CASKIN2: variants seen among roughly 807,000 people sequenced by gnomAD.
CASKIN2 encodes the protein CASK interacting protein 2, also known as caskin-2.
CASKIN2 carries 41 observed loss-of-function variants against 107.1 expected under a neutral mutation model. The ratio of observed to expected loss-of-function variants is 0.38; its 90% CI spans 0.30 to 0.50. The LOEUF (loss-of-function observed/expected upper bound fraction) is 0.50. Ranked by LOEUF, CASKIN2 falls within the 20% of genes least tolerant of loss-of-function variation. The pLI is 0.92. For synonymous variants in CASKIN2, 724 were observed against 705.6 expected, an observed-to-expected ratio of 1.03 and a Z score of -0.41; for missense variants, 1,546 against 1,657.4, an observed-to-expected ratio of 0.93 and a Z score of 1.17.
At position 75,504,431 on chromosome 17, in the gene CASKIN2, G is replaced by A. The variant is rs561759956; in HGVS notation, c.1364C>T (p.Pro455Leu). The A allele has an allele frequency of 4.5e-5, 73 of 1,606,878 alleles. No individual in the cohort carries two copies. The East Asian group carries it at 9.4e-4, about 21-fold the overall frequency. ...CTGACCCTTCCTACCTGCCAGGGACGGCGGGTGGAGTCCTGGCAGCACCTG... is the reference window on the plus strand; with the variant it reads ...CTGACCCTTCCTACCTGCCAGGGACAGCGGGTGGAGTCCTGGCAGCACCTG... Reference protein sequence around the residue: ...EDQVLPGLHPPSLADNLSHRP... With the variant: ...EDQVLPGLHPLSLADNLSHRP... Residue 455 changes from proline to leucine, a missense_variant, in exon 13 of 20, where the codon CCG (proline) becomes CTG (leucine). Coordinates refer to ENST00000321617, the MANE Select transcript of CASKIN2 (RefSeq NM_020753.5).
At position 75,504,287 on chromosome 17, in the gene CASKIN2, A is replaced by C. The variant is rs751880989; in HGVS notation, c.1395T>G (p.Pro465=). The C allele has an allele frequency of 9.3e-6, 15 of 1,607,758 alleles. No homozygotes were observed. The highest frequency in any genetic ancestry group is 1.6e-4 in the Middle Eastern group (1 of 6,074). Reference sequence around the variant, plus strand: ...GCTCCCCAGAGCGGCAGTTGGCCAGAGGGCGGTGGCTCAGGTTGTCTTCAA... The same window carrying C: ...GCTCCCCAGAGCGGCAGTTGGCCAGCGGGCGGTGGCTCAGGTTGTCTTCAA... The part of the protein sequence containing the change: ...PSLADNLSHR[P]LANCRSGEQI... The change falls in exon 14 of 20, where the codon CCT becomes CCG. Residue 465 remains proline, a synonymous_variant. Coordinates refer to ENST00000321617, the MANE Select transcript of CASKIN2 (RefSeq NM_020753.5).
In CASKIN2 at chr17:75,505,147, T is replaced by C. The variant is rs1334677473; in HGVS notation, c.931-74A>G. The C allele has an allele frequency of 2.0e-6, 3 of 1,516,798 alleles. No homozygotes were observed. The allele number at this position is 1,516,798 out of a possible 1,614,324, so 94.0% of individuals were successfully genotyped here. On this transcript the variant is annotated intron_variant, in intron 10 of 19. Transcript: ENST00000321617. The surrounding 1 kb of genome is among the most constrained non-coding windows in gnomAD (Gnocchi z 5.1). The stretch of plus-strand genomic sequence containing the variant: ...AGTGGCAAACGGTTGTCCCTGCAGC[T>C]GCGGTCCGGCAACCCTGGTCCAGCT...
chr17:75,507,544 C>A, intron 4 of CASKIN2, 40 bp downstream of exon 4: 2 of 1,512,882 alleles, frequency 1.3e-6, no homozygotes, highest in Non-Finnish European at 1.8e-6. Flanking sequence ...AGGGCCCCTA[C>A]CTGCCCAGGG....
Position 75,506,648 on chromosome 17 carries a change from C to T in CASKIN2, c.552G>A (p.Pro184=), listed in dbSNP as rs199595019. The change falls in exon 7 of 20, where the codon CCG becomes CCA. Residue 184 remains proline, a synonymous_variant. Coordinates refer to ENST00000321617, the MANE Select transcript of CASKIN2 (RefSeq NM_020753.5). This position sits in a 1 kb window ranked among gnomAD's most constrained non-coding sequence, Gnocchi z 4.8. ...GGGGCGTGGTGTAGTTGGGGTCACACGGGTCTTTGGCCTCACCCTCCAGCA... is the reference window on the plus strand; with the variant it reads ...GGGGCGTGGTGTAGTTGGGGTCACATGGGTCTTTGGCCTCACCCTCCAGCA... ...VALLEGEAKD[P]CDPNYTTPLH... 1.6e-4 allele frequency: 254 copies of T among 1,613,334 alleles called. 2 individuals are homozygous for T. In the East Asian group the frequency reaches 3.6e-3, roughly 23 times the overall value.
At position 75,508,237 on chromosome 17, in the gene CASKIN2, T is replaced by C; in HGVS notation, c.143A>G (p.Asp48Gly). 6.2e-7 allele frequency: 1 copy of C among 1,613,816 alleles called. No individual in the cohort carries two copies. The highest frequency in any genetic ancestry group is 8.5e-7 in the Non-Finnish European group (1 of 1,179,882). ...KRLNVNYQDADGFSALHHAAL... is the reference protein window; with the variant it reads ...KRLNVNYQDAGGFSALHHAAL... ...AGGGACAGGGGCTCCCACTCACCCA[T>C]CAGCATCCTGGTAGTTCACGTTGAG... The change falls in exon 3 of 20, where the codon GAT (aspartate) becomes GGT (glycine). Residue 48 changes from aspartate to glycine, a missense_variant. Physicochemically the swap from Asp to Gly is moderately conservative, Grantham distance 94 (BLOSUM62 -1). Coordinates refer to ENST00000321617, the MANE Select transcript of CASKIN2 (RefSeq NM_020753.5).
In CASKIN2 at chr17:75,503,040, C is replaced by T. The variant is rs762867219; in HGVS notation, c.2034G>A (p.Ala678=). 1.4e-5 allele frequency: 23 copies of T among 1,606,252 alleles called. No individual in the cohort carries two copies. The highest frequency in any genetic ancestry group is 8.4e-5 in the Admixed American group (5 of 59,556). Residue 678 remains alanine, a synonymous_variant, in exon 18 of 20, where the codon GCG becomes GCA. Coordinates refer to ENST00000321617, the MANE Select transcript of CASKIN2 (RefSeq NM_020753.5). ...GTTCAGGGCCACCCCCTGCCATGGC[C>T]GCCTGTAGCTCTGGGCTTAGTTCGC... ...QGSELSPELQ[A]AMAGGGPEPL...
Position 75,506,846 on chromosome 17 carries a change from C to A in CASKIN2, c.439G>T (p.Ala147Ser), listed in dbSNP as rs1598467347. ...HQSNPCLVNK[A>S]KKTPLDLACE... ...GCCAGGTCCAGGGGCGTCTTCTTGGCCTTGTTGACCAGGCATGGGTTGGAC... is the reference window on the plus strand; with the variant it reads ...GCCAGGTCCAGGGGCGTCTTCTTGGACTTGTTGACCAGGCATGGGTTGGAC... The change falls in exon 6 of 20, where the codon GCC (alanine) becomes TCC (serine). Residue 147 changes from alanine (A) to serine (S), a missense_variant. Physicochemically the swap from Ala to Ser is moderately conservative, Grantham distance 99. Coordinates refer to ENST00000321617, the MANE Select transcript of CASKIN2 (RefSeq NM_020753.5). The surrounding 1 kb of genome is among the most constrained non-coding windows in gnomAD (Gnocchi z 4.8). 1 of 1,612,658 alleles carries A rather than the reference C, an allele frequency of 6.2e-7. No individual in the cohort carries two copies. The highest frequency in any genetic ancestry group is 1.7e-4 in the Middle Eastern group (1 of 6,042).
Position 75,500,902 on chromosome 17 carries a change from G to C in CASKIN2, c.*178C>G. On this transcript the variant is annotated 3_prime_UTR_variant, in exon 20 of 20. Coordinates refer to ENST00000321617, the MANE Select transcript of CASKIN2 (RefSeq NM_020753.5). ...CCCTCGCTAGTCAGGTTCTAAGGTG[G>C]GCTGCCCCACAAGAGCTGTGGTGCC... is the stretch of plus-strand genomic sequence containing the variant. 2 of 613,168 alleles carry C rather than the reference G, an allele frequency of 3.3e-6. No individual in the cohort carries two copies. The highest frequency in any genetic ancestry group is 5.8e-6 in the Non-Finnish European group (2 of 347,266). The allele number at this position is 613,168 out of a possible 1,614,324, so 38.0% of individuals were successfully genotyped here.
rs149349828 is a variant in CASKIN2 at position 75,511,059 on chromosome 17, C to CTT, written c.94+2650_94+2651dup. Among the ~76,000 whole-genome samples, 549 of 115,040 alleles carry CTT rather than the reference C, an allele frequency of 4.8e-3. 8 individuals are homozygous for CTT. Among genetic ancestry groups the CTT allele is most frequent in the Middle Eastern group, 0.015 (2 of 130 alleles). The allele number at this position is 115,040 out of a possible 152,430, so 75.5% of individuals were successfully genotyped here. On this transcript the variant is annotated intron_variant, in intron 2 of 19. Transcript: ENST00000321617. ...GCGAGACCCCATCTCTTTCCCTGTC[C>CTT]TTTTTTTTTTTTTTTTTTTGAGACA...
chr17:75,505,280 A>C lies in CASKIN2; in HGVS notation c.931-207T>G. 2 of 654,082 alleles carry C rather than the reference A, an allele frequency of 3.1e-6. No homozygotes were observed. The highest frequency in any genetic ancestry group is 5.2e-6 in the Non-Finnish European group (2 of 383,066). 40.5% of individuals were successfully genotyped at this position (654,082 alleles called of 1,614,324 possible). A position where few individuals can be genotyped will look rare whatever the true frequency, so the allele number is the denominator to read the frequency against. ...CCCCTGTGCCTCCAGGGCGAGCCCCAGTGGCAGCCCGTGGTCAAATCACAG... is the reference window on the plus strand; with the variant it reads ...CCCCTGTGCCTCCAGGGCGAGCCCCCGTGGCAGCCCGTGGTCAAATCACAG... On this transcript the variant is annotated intron_variant, in intron 10 of 19. Coordinates refer to ENST00000321617, the MANE Select transcript of CASKIN2 (RefSeq NM_020753.5). The surrounding 1 kb of genome is among the most constrained non-coding windows in gnomAD (Gnocchi z 5.1).
In CASKIN2 at chr17:75,508,372, C is replaced by T. The variant is rs376455308; in HGVS notation, c.95-87G>A. The T allele has an allele frequency of 7.4e-5, 108 of 1,455,024 alleles. No homozygotes were observed. In the East Asian group the frequency reaches 1.8e-3, roughly 24 times the overall value. The allele number at this position is 1,455,024 out of a possible 1,614,324, so 90.1% of individuals were successfully genotyped here. On this transcript the variant is annotated intron_variant, in intron 2 of 19. Coordinates refer to ENST00000321617, the MANE Select transcript of CASKIN2 (RefSeq NM_020753.5). ...CCCCCACCTGTCACAGCCCGGCTGA[C>T]CTCTTGGCGTGCAGGAAAGCACCTG... is the stretch of plus-strand genomic sequence containing the variant.
intron 1 of CASKIN2, among the ~76,000 whole-genome samples, chr17:75,514,678 C>T (rs1388334551): frequency 1.3e-5 from 2 of 152,230 alleles, no homozygotes; most frequent in Admixed American, 1.3e-4. Context: ...GGCTTCAAGG[C>T]TTCGCTTTAA....
Position 75,505,081 on chromosome 17 carries a change from CA to C in CASKIN2, c.931-9del. ...GGGATGCTGTTCTAGCACCTGCGGC[CA>C]GGGGTGGGGGGCGGGGACGGTCACT... On this transcript the variant is annotated splice_polypyrimidine_tract_variant and intron_variant, in intron 10 of 19. Coordinates refer to ENST00000321617, the MANE Select transcript of CASKIN2 (RefSeq NM_020753.5). This position sits in a 1 kb window ranked among gnomAD's most constrained non-coding sequence, Gnocchi z 5.1. 1 of 1,605,654 alleles carries C rather than the reference CA, an allele frequency of 6.2e-7. No homozygotes were observed. Among genetic ancestry groups the C allele is most frequent in the Non-Finnish European group, 8.5e-7 (1 of 1,177,966 alleles).
Position 75,501,698 on chromosome 17 carries a change from G to T in CASKIN2, c.3296-8C>A. On this transcript the variant is annotated splice_region_variant and splice_polypyrimidine_tract_variant and intron_variant, in intron 18 of 19. Coordinates refer to ENST00000321617, the MANE Select transcript of CASKIN2 (RefSeq NM_020753.5). ...CAGGCTTGGGGGCTGTTCCTGCAGAGACAAAAAGGTTGGCTTGGGACTTGG... is the reference window on the plus strand; with the variant it reads ...CAGGCTTGGGGGCTGTTCCTGCAGATACAAAAAGGTTGGCTTGGGACTTGG... 1 of 1,550,234 alleles carries T rather than the reference G, an allele frequency of 6.5e-7. No homozygotes were observed. Among genetic ancestry groups the T allele is most frequent in the Non-Finnish European group, 8.7e-7 (1 of 1,148,148 alleles).
At chr17:75,513,637 C>T in intron 2 of CASKIN2, 74 bp downstream of exon 2, 2 of 1,180,158 alleles carry the variant, frequency 1.7e-6, no homozygotes, top group Non-Finnish European at 2.5e-6. Context: ...TCACAGTGAC[C>T]CACCCCCACC....
chr17:75,500,420 G>A lies in CASKIN2; in HGVS notation c.*660C>T, dbSNP rs1909774579. Reference sequence around the variant, plus strand: ...CCCCTCCCCCATTGTGTCCTCTCAGGCAGTTGATAGAATAAATTCCATTTA... The same window carrying A: ...CCCCTCCCCCATTGTGTCCTCTCAGACAGTTGATAGAATAAATTCCATTTA... On this transcript the variant is annotated 3_prime_UTR_variant, in exon 20 of 20. Coordinates refer to ENST00000321617, the MANE Select transcript of CASKIN2 (RefSeq NM_020753.5). The A allele has an allele frequency of 6.5e-6, 1 of 152,700 alleles. No homozygotes were observed. The highest frequency in any genetic ancestry group is 1.5e-5 in the Non-Finnish European group (1 of 68,406). The allele number at this position is 152,700 out of a possible 1,614,324, so 9.5% of individuals were successfully genotyped here.
chr17:75,503,571 C>T (rs1279060327), intron 16 of CASKIN2, 44 bp from the exon 17 acceptor site: 9 of 1,602,724 alleles, frequency 5.6e-6, no homozygotes, highest in Non-Finnish European at 6.8e-6. Flanking sequence ...CCAGCCTCCG[C>T]CCCCAGCCAG....
At chr17:75,511,341 T>G (rs2053314299) in intron 2 of CASKIN2, among the ~76,000 whole-genome samples, 1 of 151,946 alleles carries the variant, frequency 6.6e-6, no homozygotes, top group African/African-American at 2.4e-5. Context: ...CCTATCTCTT[T>G]AAAAAGAAAA....
rs1402159358 is a variant in CASKIN2, at chr17:75,504,912, G to A, written c.1092C>T (p.Arg364=). ...ARLPSAPTPL[R]PGFSRTPQPP... Reference sequence around the variant, plus strand: ...GCTGCGGTGTCCGGGAGAAGCCTGGGCGCAGGGGGGTGGGTGCGGAGGGGA... The same window carrying A: ...GCTGCGGTGTCCGGGAGAAGCCTGGACGCAGGGGGGTGGGTGCGGAGGGGA... The change falls in exon 11 of 20, where the codon CGC becomes CGT. Residue 364 remains arginine, a synonymous_variant. Coordinates refer to ENST00000321617, the MANE Select transcript of CASKIN2 (RefSeq NM_020753.5). 1 of 1,608,872 alleles carries A rather than the reference G, an allele frequency of 6.2e-7. No homozygotes were observed. The highest frequency in any genetic ancestry group is 1.1e-5 in the South Asian group (1 of 90,866).
Sources: gnomAD v4.1 joint callset for allele counts (sites outside exome capture counted in the v4.1 genomes callset) on GRCh38, gnomAD v4.1.1 for gene constraint, Gnocchi (gnomAD v3.1) non-coding constraint, MANE v1.5 for transcripts, NCBI Gene and HGNC (gene_info 2026-07-23, HGNC 2026-07-21) for gene names.